The following MTR variants were observed in gnomAD, a reference collection of about 807,000 sequenced individuals.
MTR encodes the protein methionine synthase.
MTR carries 84 observed loss-of-function variants against 154.8 expected under a neutral mutation model. The ratio of observed to expected loss-of-function variants is 0.54; its 90% confidence interval spans 0.45 to 0.65. The LOEUF is 0.65. Ranked by LOEUF, MTR falls within the 30% of genes least tolerant of loss-of-function variation. The probability of loss-of-function intolerance (pLI) is 0.00; values close to 1 mark genes in which losing one functional copy is unlikely to be tolerated. For synonymous variants in MTR, 554 were observed against 553.9 expected, an observed-to-expected ratio of 1.00 and a Z score of 0.00; for missense variants, 1,275 against 1,570.2, an observed-to-expected ratio of 0.81 and a Z score of 3.18.
At chr1:236,803,288 C>CTATATAGAGT in intron 1 of MTR, 140 bp from the exon 2 acceptor site, 1 of 851,000 alleles carries the variant, frequency 1.2e-6, no homozygotes, top group Admixed American at 2.3e-5. Flanking sequence ...CAGCGTTTTC[C>CTATATAGAGT]TATATAGAGT....
chr1:236,872,575 C>T (rs1665195465), intron 22 of MTR, among the ~76,000 whole-genome samples: 1 of 152,060 alleles, frequency 6.6e-6, no homozygotes, highest in East Asian at 1.9e-4. Context: ...GATTCAGATC[C>T]CAACTCTGCC....
Position 236,902,091 on chromosome 1 carries a change from ATCC to A in MTR, c.*4452_*4454del, listed in dbSNP as rs906017137. ...TCTGATTCTTTACACCCCCGCCTCA[ATCC>A]TCCTGCTGCCTGAATAACCATCTCC... On this transcript the variant is annotated 3_prime_UTR_variant, in exon 33 of 33. Coordinates refer to ENST00000366577, the MANE Select transcript of MTR (RefSeq NM_000254.3). 3 of 152,288 alleles carry A rather than the reference ATCC, an allele frequency of 2.0e-5. No individual in the cohort carries two copies. Among genetic ancestry groups the A allele is most frequent in the African/African-American group, 7.2e-5 (3 of 41,458 alleles). The allele number at this position is 152,288 out of a possible 1,614,324, so 9.4% of individuals were successfully genotyped here.
At chr1:236,826,109 C>G (rs1662272724) in intron 10 of MTR, among the ~76,000 whole-genome samples, 1 of 151,956 alleles carries the variant, frequency 6.6e-6, no homozygotes, top group South Asian at 2.1e-4. Context: ...TTTTTGGAGC[C>G]CTTGAATTGT....
intron 22 of MTR, among the ~76,000 whole-genome samples, chr1:236,865,876 C>T (rs1421731423): frequency 6.6e-6 from 1 of 151,876 alleles, no homozygotes; most frequent in Non-Finnish European, 1.5e-5. Flanking sequence ...ATCCTACTAC[C>T]CTGCCTGTTA....
chr1:236,810,649 C>T, intron 5 of MTR, 54 bp downstream of exon 5: 1 of 1,398,238 alleles, frequency 7.2e-7, no homozygotes. Flanking sequence ...CCCCAAGCTT[C>T]AGTAAGCTAT....
At chr1:236,809,540 G>GCA (rs1265036526) in intron 4 of MTR, among the ~76,000 whole-genome samples, 1 of 152,222 alleles carries the variant, frequency 6.6e-6, no homozygotes, top group African/African-American at 2.4e-5. Flanking sequence ...AAGAGATAAT[G>GCA]TTTAAATTCA....
chr1:236,806,524 T>C (rs1006314119), intron 3 of MTR, among the ~76,000 whole-genome samples: 1 of 152,240 alleles, frequency 6.6e-6, no homozygotes, highest in Non-Finnish European at 1.5e-5. Flanking sequence ...CACACAGTAT[T>C]GTGAGGCCTT....
In MTR at chr1:236,852,536, G is replaced by A. The variant is rs905213881; in HGVS notation, c.1711G>A (p.Ala571Thr). Residue 571 changes from alanine (A) to threonine (T), a missense_variant, in exon 17 of 33, where the codon GCC becomes ACC. Ala to Thr is a moderately conservative substitution (Grantham distance 58). Transcript: ENST00000366577. ...TKVIKETLPG[A>T]RISGGLSNLS... ...TTTTTGCCAGGAAACATTACCTGGA[G>A]CCAGAATAAGTGGAGGTCTTTCCAA... 2.5e-6 allele frequency: 4 copies of A among 1,613,972 alleles called. No individual in the cohort carries two copies. The highest frequency in any genetic ancestry group is 2.2e-5 in the East Asian group (1 of 44,872).
At chr1:236,801,671 C>T (rs530928938) in intron 1 of MTR, among the ~76,000 whole-genome samples, 5 of 152,276 alleles carry the variant, frequency 3.3e-5, no homozygotes, top group African/African-American at 1.2e-4. Flanking sequence ...GCATGAGTTC[C>T]AAGGAGCTCA....
intron 18 of MTR, among the ~76,000 whole-genome samples, chr1:236,857,035 G>T (rs1345877612): frequency 6.6e-6 from 1 of 152,136 alleles, no homozygotes; most frequent in Non-Finnish European, 1.5e-5. Flanking sequence ...AATCCTTTGG[G>T]TATATACCCA....
Position 236,829,256 on chromosome 1 carries a change from A to G in MTR, c.1063A>G (p.Met355Val). 6.2e-7 allele frequency: 1 copy of G among 1,613,764 alleles called. No individual in the cohort carries two copies. Among genetic ancestry groups the G allele is most frequent in the Non-Finnish European group, 8.5e-7 (1 of 1,179,704 alleles). ...ACCTGCCACTGCTTTTGAAGGACAT[A>G]TGTTACTGTCTGGTGAGTCATAAAG... ...VPPATAFEGH[M>V]LLSGLEPFRI... is the part of the protein sequence containing the mutation. Residue 355 changes from methionine (M) to valine (V), a missense_variant, in exon 12 of 33, where the codon ATG (methionine) becomes GTG (valine). Transcript: ENST00000366577.
At chr1:236,799,761 C>T (rs1328557601) in intron 1 of MTR, among the ~76,000 whole-genome samples, 3 of 151,236 alleles carry the variant, frequency 2.0e-5, no homozygotes, top group African/African-American at 7.3e-5. Context: ...TAACAGAAAT[C>T]CTTGGTTTTT....
At chr1:236,848,354 C>T (rs1044164484) in intron 15 of MTR, among the ~76,000 whole-genome samples, 5 of 152,112 alleles carry the variant, frequency 3.3e-5, no homozygotes, top group Non-Finnish European at 7.3e-5. Context: ...TCTTCATCTA[C>T]CAACCAGACT....
Position 236,795,366 on chromosome 1 carries a change from C to T in MTR, c.-338C>T. The T allele has an allele frequency of 1.5e-6, 2 of 1,368,400 alleles. No homozygotes were observed. The highest frequency in any genetic ancestry group is 1.2e-5 in the South Asian group (1 of 80,966). The allele number at this position is 1,368,400 out of a possible 1,614,324, so 84.8% of individuals were successfully genotyped here. On this transcript the variant is annotated 5_prime_UTR_variant, in exon 1 of 33. Transcript: ENST00000366577. ...CGGATGTCACGTCGTCCTCCTCTGC[C>T]GGTTTTCTCTTGGGTCCTTTTCCGT... is the stretch of plus-strand genomic sequence containing the variant.
chr1:236,861,099 T>TTTTTTTTTTTTTTTTTTC, intron 19 of MTR, 26 bp from the exon 20 acceptor site: 3 of 984,000 alleles, frequency 3.0e-6, no homozygotes, highest in Middle Eastern at 2.8e-4. Flanking sequence ...TTCTTTTTCT[T>TTTTTTTTTTTTTTTTTTC]TTTTTTTTTT....
At chr1:236,840,980 G>A (rs937697257) in intron 15 of MTR, among the ~76,000 whole-genome samples, 1 of 152,166 alleles carries the variant, frequency 6.6e-6, no homozygotes, top group African/African-American at 2.4e-5. Flanking sequence ...TACAAGTTTA[G>A]TGTGGTGTGG....
chr1:236,819,763 A>C, intron 8 of MTR: 1 of 753,950 alleles, frequency 1.3e-6, no homozygotes, highest in South Asian at 1.3e-5. Context: ...AAAAGGAAAA[A>C]TGATGGGATC....
intron 15 of MTR, among the ~76,000 whole-genome samples, chr1:236,840,764 G>A (rs894396800): frequency 2.6e-5 from 4 of 152,044 alleles, no homozygotes; most frequent in Non-Finnish European, 5.9e-5. Context: ...TACTATTATT[G>A]AATGAAATTG....
intron 8 of MTR, among the ~76,000 whole-genome samples, chr1:236,823,557 A>G (rs1193573829): frequency 1.3e-5 from 2 of 152,284 alleles, no homozygotes; most frequent in South Asian, 4.1e-4. Context: ...GTAAAATGTG[A>G]TAACATTAGA....
Sources: gnomAD v4.1 joint callset for allele counts (sites outside exome capture counted in the v4.1 genomes callset) on GRCh38, gnomAD v4.1.1 for gene constraint, MANE v1.5 for transcripts, NCBI Gene and HGNC (gene_info 2026-07-23, HGNC 2026-07-21) for gene names.